The following KATNIP variants were observed in gnomAD, a reference collection of about 807,000 sequenced individuals.
KATNIP encodes the protein katanin interacting protein.
KATNIP carries 126 observed loss-of-function variants against 174.0 expected under a neutral mutation model. The observed-to-expected ratio is 0.72, with a 90% CI of 0.63 to 0.84. KATNIP has a LOEUF of 0.84. KATNIP is among the 40% of genes least tolerant of loss of function. The pLI, the probability that KATNIP is intolerant of heterozygous loss-of-function variation, is 0.00. For missense variants in KATNIP, 1,958 were observed against 2,109.7 expected (o/e 0.93, Z 1.41); for synonymous variants, 810 against 835.7 (o/e 0.97, Z 0.53).
chr16:27,590,914 C>T (rs1475892882), intron 2 of KATNIP, among the ~76,000 whole-genome samples: 1 of 152,192 alleles, frequency 6.6e-6, no homozygotes, highest in Non-Finnish European at 1.5e-5. Flanking sequence ...TCCACTTTAG[C>T]CTCCCAAAGT....
chr16:27,760,546 C>A (rs1193362822), intron 18 of KATNIP, among the ~76,000 whole-genome samples: 1 of 152,130 alleles, frequency 6.6e-6, no homozygotes, highest in Non-Finnish European at 1.5e-5. Flanking sequence ...TCTGAGCCCA[C>A]GTGAATGTTT....
intron 15 of KATNIP, among the ~76,000 whole-genome samples, chr16:27,746,504 G>A (rs1265610910): frequency 2.6e-5 from 4 of 152,172 alleles, no homozygotes; most frequent in Admixed American, 6.5e-5. Flanking sequence ...GGAGTCCCTC[G>A]GCCTCTAGGC....
At position 27,708,523 on chromosome 16, in the gene KATNIP, G is replaced by A. The variant is rs1361445617; in HGVS notation, c.1390-182G>A. 7 of 562,636 alleles carry A rather than the reference G, an allele frequency of 1.2e-5. No homozygotes were observed. In the East Asian group the frequency reaches 2.0e-4, roughly 16 times the overall value. 34.9% of individuals were successfully genotyped at this position (562,636 alleles called of 1,614,324 possible). On this transcript the variant is annotated intron_variant, in intron 12 of 27. Coordinates refer to ENST00000261588, the MANE Select transcript of KATNIP (RefSeq NM_015202.5). Reference sequence around the variant, plus strand: ...CTCTATTTTGAATGCTTTACAGTATGAATTCATTTAATCATTGTAATAACC... The same window carrying A: ...CTCTATTTTGAATGCTTTACAGTATAAATTCATTTAATCATTGTAATAACC...
At chr16:27,625,997 AC>A (rs948112147) in intron 3 of KATNIP, among the ~76,000 whole-genome samples, 82 of 151,838 alleles carry the variant, frequency 5.4e-4, no homozygotes, top group African/African-American at 2.0e-3. Context: ...CCACAGGTGC[AC>A]GCTACCACGC....
chr16:27,552,544 T>G (rs1250680022), intron 1 of KATNIP, among the ~76,000 whole-genome samples: 1 of 150,586 alleles, frequency 6.6e-6, no homozygotes, highest in South Asian at 2.1e-4. Context: ...CCAGCTAATT[T>G]TTTTTATTTT....
intron 1 of KATNIP, among the ~76,000 whole-genome samples, chr16:27,551,738 G>A (rs961091138): frequency 2.6e-5 from 4 of 151,666 alleles, no homozygotes; most frequent in South Asian, 2.1e-4. Flanking sequence ...TTAGCCGGAC[G>A]TGGTGACACA....
intron 17 of KATNIP, among the ~76,000 whole-genome samples, chr16:27,752,575 A>C (rs1035421366): frequency 6.6e-6 from 1 of 152,200 alleles, no homozygotes; most frequent in African/African-American, 2.4e-5. Context: ...GTTTAGAGAT[A>C]GGGCCTGGCA....
intron 6 of KATNIP, among the ~76,000 whole-genome samples, chr16:27,673,082 C>T (rs1008697665): frequency 6.6e-6 from 1 of 152,142 alleles, no homozygotes; most frequent in Non-Finnish European, 1.5e-5. Context: ...CAGCCTTTCC[C>T]CCACCCCAGC....
At chr16:27,582,288 A>G (rs1231746877) in intron 2 of KATNIP, among the ~76,000 whole-genome samples, 1 of 152,238 alleles carries the variant, frequency 6.6e-6, no homozygotes, top group African/African-American at 2.4e-5. Flanking sequence ...TTTTAAAGGA[A>G]GAAAACAAAA....
At position 27,573,906 on chromosome 16, in the gene KATNIP, A is replaced by C. The variant is rs748132876; in HGVS notation, c.13A>C (p.Thr5Pro). The C allele has an allele frequency of 1.2e-6, 2 of 1,614,130 alleles. No homozygotes were observed. The highest frequency in any genetic ancestry group is 2.2e-5 in the South Asian group (2 of 91,082). The change falls in exon 2 of 28, where the codon ACT (threonine) becomes CCT (proline). Residue 5 changes from threonine (T) to proline (P), a missense_variant. Physicochemically the swap from Thr to Pro is conservative, Grantham distance 38 (BLOSUM62 -1). This residue lies in a region of KATNIP where 1,557 missense variants were observed against 1,617.8 expected (regional missense o/e 0.96). Transcript: ENST00000261588. Reference sequence around the variant, plus strand: ...CTGCTTTTGAACTGCGACAGGTCAGACTCTGCGAAAGGCCGAGAGAAGCTG... The same window carrying C: ...CTGCTTTTGAACTGCGACAGGTCAGCCTCTGCGAAAGGCCGAGAGAAGCTG... MDGQ[T>P]LRKAERSWSC... is the part of the protein sequence containing the mutation.
chr16:27,601,015 G>C (rs2075506699), intron 2 of KATNIP, among the ~76,000 whole-genome samples: 1 of 152,124 alleles, frequency 6.6e-6, no homozygotes, highest in African/African-American at 2.4e-5. Flanking sequence ...TTACAGAAGT[G>C]AGCCACTGCA....
intron 5 of KATNIP, among the ~76,000 whole-genome samples, chr16:27,646,425 T>C (rs1415522016): frequency 3.3e-5 from 5 of 152,112 alleles, no homozygotes; most frequent in African/African-American, 1.2e-4. Context: ...GGCCATAGCA[T>C]GTTATAAGGG....
intron 8 of KATNIP, among the ~76,000 whole-genome samples, chr16:27,690,351 TAGATAGATAGA>T (rs2078677554): frequency 8.4e-6 from 1 of 119,426 alleles, no homozygotes; most frequent in African/African-American, 3.3e-5. Flanking sequence ...GATAGATAGA[TAGATAGATAGA>T]TGATAGATAG....
chr16:27,739,803 A>G (rs1395989354), intron 14 of KATNIP, among the ~76,000 whole-genome samples: 2 of 149,828 alleles, frequency 1.3e-5, no homozygotes, highest in Non-Finnish European at 2.9e-5. Context: ...GGTAATGATG[A>G]CGAAGGCAGC....
chr16:27,572,006 A>C (rs924559200), intron 1 of KATNIP, among the ~76,000 whole-genome samples: 1 of 150,100 alleles, frequency 6.7e-6, no homozygotes, highest in African/African-American at 2.5e-5. Context: ...GTGTGTGTGT[A>C]TGTGTGTGTG....
intron 5 of KATNIP, among the ~76,000 whole-genome samples, chr16:27,640,692 T>G (rs2076764980): frequency 6.6e-6 from 1 of 151,490 alleles, no homozygotes; most frequent in Non-Finnish European, 1.5e-5. Context: ...TTTTTTTTTT[T>G]TTTGTATCTT....
chr16:27,606,732 CTT>C (rs112061995), intron 2 of KATNIP, among the ~76,000 whole-genome samples: 5 of 144,588 alleles, frequency 3.5e-5, no homozygotes, highest in Non-Finnish European at 3.1e-5. Flanking sequence ...ATTTTTCTAA[CTT>C]TTTTTTTTTT....
At chr16:27,550,322 C>A (rs2089292265) in intron 1 of KATNIP, 145 bp downstream of exon 1, 1 of 911,718 alleles carries the variant, frequency 1.1e-6, no homozygotes, top group Non-Finnish European at 1.7e-6. Context: ...GATAGGGAGG[C>A]TTAGTGGTCT....
intron 14 of KATNIP, among the ~76,000 whole-genome samples, chr16:27,734,330 C>T (rs1156459819): frequency 2.0e-5 from 3 of 151,332 alleles, no homozygotes; most frequent in African/African-American, 7.3e-5. Flanking sequence ...ATCCACCTGC[C>T]TCAGCCTCCC....
Sources: allele counts gnomAD v4.1 joint callset (sites outside exome capture counted in the v4.1 genomes callset), GRCh38; gene constraint gnomAD v4.1.1; regional missense constraint gnomAD v4.1.1; transcripts MANE v1.5; gene names NCBI Gene and HGNC (gene_info 2026-07-23, HGNC 2026-07-21).